LRRTM3: variants seen among roughly 807,000 people sequenced by gnomAD.
LRRTM3 encodes leucine-rich repeat transmembrane neuronal protein 3.
Under a neutral mutation model 44.7 loss-of-function variants are expected in LRRTM3, and 24 were observed. That is an observed-to-expected ratio of 0.54 (90% CI 0.39 to 0.76). LRRTM3 has a LOEUF of 0.76. Ranked by LOEUF, LRRTM3 falls within the 30% of genes least tolerant of loss-of-function variation. LRRTM3 has a pLI of 0.00. For missense variants in LRRTM3, 587 were observed against 702.2 expected (o/e 0.84, Z 1.85); for synonymous variants, 277 against 278.7 (o/e 0.99, Z 0.06).
intron 2 of LRRTM3, among the ~76,000 whole-genome samples, chr10:66,932,913 A>G (rs1272849044): frequency 6.6e-6 from 1 of 152,208 alleles, no homozygotes; most frequent in African/African-American, 2.4e-5. Context: ...CTTAGAAATT[A>G]AGACCTAAAT....
At chr10:67,024,662 T>C (rs1488200806) in intron 2 of LRRTM3, among the ~76,000 whole-genome samples, 2 of 152,156 alleles carry the variant, frequency 1.3e-5, no homozygotes, top group Non-Finnish European at 2.9e-5. Flanking sequence ...AAAGTTACCT[T>C]AGAAAAATAG....
At chr10:67,092,304 A>G (rs554376011) in intron 2 of LRRTM3, among the ~76,000 whole-genome samples, 1 of 152,132 alleles carries the variant, frequency 6.6e-6, no homozygotes, top group African/African-American at 2.4e-5. Context: ...CTCAATGAGT[A>G]GAGATATTTA....
At chr10:66,934,843 C>T (rs1036075692) in intron 2 of LRRTM3, among the ~76,000 whole-genome samples, 3 of 152,090 alleles carry the variant, frequency 2.0e-5, no homozygotes, top group African/African-American at 7.2e-5. Flanking sequence ...ACATCAATTA[C>T]ATCTATGCAG....
At chr10:66,998,360 A>G (rs1424726683) in intron 2 of LRRTM3, among the ~76,000 whole-genome samples, 1 of 152,224 alleles carries the variant, frequency 6.6e-6, no homozygotes, top group Non-Finnish European at 1.5e-5. Flanking sequence ...AAAGCACAAG[A>G]AGCATAGTTA....
At chr10:67,005,686 T>TTTTTTTTTTGTTTTTG (rs1554895963) in intron 2 of LRRTM3, among the ~76,000 whole-genome samples, 1 of 101,152 alleles carries the variant, frequency 9.9e-6, no homozygotes, top group African/African-American at 3.1e-5. Flanking sequence ...CTCCATCTTT[T>TTTTTTTTTTGTTTTTG]TTTTTTTTTT....
At chr10:67,044,429 T>C (rs1854600355) in intron 2 of LRRTM3, among the ~76,000 whole-genome samples, 1 of 152,178 alleles carries the variant, frequency 6.6e-6, no homozygotes, top group African/African-American at 2.4e-5. Flanking sequence ...AAAAACTTGC[T>C]TTTAAGAAGA....
At chr10:66,981,402 T>C (rs769961662) in intron 2 of LRRTM3, among the ~76,000 whole-genome samples, 8 of 152,244 alleles carry the variant, frequency 5.3e-5, no homozygotes, top group Admixed American at 2.6e-4. Flanking sequence ...TGCACTCTTC[T>C]GGATTTTGAG....
chr10:67,045,526 C>G (rs1038576030), intron 2 of LRRTM3, among the ~76,000 whole-genome samples: 5 of 152,136 alleles, frequency 3.3e-5, no homozygotes, highest in Non-Finnish European at 7.4e-5. Flanking sequence ...GTAGGAAACC[C>G]CGACCCAGAA....
At chr10:66,996,649 C>CAAAAAAAATAAA (rs1851364948) in intron 2 of LRRTM3, among the ~76,000 whole-genome samples, 1 of 67,644 alleles carries the variant, frequency 1.5e-5, no homozygotes, top group Non-Finnish European at 2.5e-5. Context: ...TCCGTCTCTA[C>CAAAAAAAATAAA]AAAAAAAAAA....
intron 2 of LRRTM3, among the ~76,000 whole-genome samples, chr10:67,009,741 C>T (rs1852210747): frequency 6.6e-6 from 1 of 152,070 alleles, no homozygotes; most frequent in Admixed American, 6.6e-5. Flanking sequence ...TCTCTTGTTT[C>T]TCTTGCTAGA....
intron 2 of LRRTM3, among the ~76,000 whole-genome samples, chr10:66,971,871 A>T (rs1757426166): frequency 6.6e-6 from 1 of 151,568 alleles, no homozygotes; most frequent in South Asian, 2.1e-4. Flanking sequence ...AGCCAAAATC[A>T]TTTTTTTTCA....
intron 2 of LRRTM3, among the ~76,000 whole-genome samples, chr10:67,086,943 C>T (rs941371205): frequency 6.6e-6 from 1 of 151,656 alleles, no homozygotes; most frequent in Non-Finnish European, 1.5e-5. Flanking sequence ...CTACAATTTC[C>T]AAGGGGATTA....
At chr10:67,023,548 C>T (rs118129845) in intron 2 of LRRTM3, among the ~76,000 whole-genome samples, 93 of 152,278 alleles carry the variant, frequency 6.1e-4, no homozygotes, top group Non-Finnish European at 1.2e-3. Context: ...GATTCTTCCA[C>T]TTCTCATACC....
At chr10:67,062,165 T>A (rs1240698277) in intron 2 of LRRTM3, among the ~76,000 whole-genome samples, 2 of 148,286 alleles carry the variant, frequency 1.3e-5, no homozygotes, top group Non-Finnish European at 3.0e-5. Flanking sequence ...GATATTTGTA[T>A]CCCCATTTTA....
intron 2 of LRRTM3, among the ~76,000 whole-genome samples, chr10:67,091,411 C>A (rs965798939): frequency 1.3e-5 from 2 of 151,432 alleles, no homozygotes; most frequent in African/African-American, 4.9e-5. Context: ...TTTAAGGATG[C>A]CAATTTCCCA....
chr10:67,059,608 T>A (rs1855641633), intron 2 of LRRTM3, among the ~76,000 whole-genome samples: 1 of 152,200 alleles, frequency 6.6e-6, no homozygotes, highest in Non-Finnish European at 1.5e-5. Flanking sequence ...TTCCTTTTTT[T>A]AAAGTTGTCA....
chr10:67,045,364 C>A (rs1210910168), intron 2 of LRRTM3, among the ~76,000 whole-genome samples: 3 of 152,046 alleles, frequency 2.0e-5, no homozygotes, highest in Non-Finnish European at 2.9e-5. Context: ...TGGAGGTCAC[C>A]AAATACCTCC....
chr10:67,003,653 AGTCTTATT>A (rs1454464272), intron 2 of LRRTM3, among the ~76,000 whole-genome samples: 15 of 152,310 alleles, frequency 9.8e-5, no homozygotes, highest in African/African-American at 3.6e-4. Flanking sequence ...TTTTCAAGTG[AGTCTTATT>A]AACATAAAAC....
At chr10:66,961,870 G>A (rs1849126346) in intron 2 of LRRTM3, among the ~76,000 whole-genome samples, 1 of 152,046 alleles carries the variant, frequency 6.6e-6, no homozygotes. Context: ...CTCCAGTCCA[G>A]TTAATGGCAT....
Sources: gnomAD v4.1 joint callset for allele counts (sites outside exome capture counted in the v4.1 genomes callset) on GRCh38, gnomAD v4.1.1 for gene constraint, MANE v1.5 for transcripts, NCBI Gene and HGNC (gene_info 2026-07-23, HGNC 2026-07-21) for gene names.